The following LHFPL3 variants were observed in gnomAD, a reference collection of about 807,000 sequenced individuals.
The protein encoded by LHFPL3 is LHFPL tetraspan subfamily member 3, also known as LHFPL tetraspan subfamily member 3 protein.
In LHFPL3, 5 loss-of-function variants were observed where a neutral mutation model predicts 19.3. That is an observed-to-expected ratio of 0.26 (90% CI 0.14 to 0.54). The LOEUF (loss-of-function observed/expected upper bound fraction) is 0.54. Among genes scored for constraint, LHFPL3 ranks in the 20% least tolerant of loss-of-function variants. The pLI, the probability that LHFPL3 is intolerant of heterozygous loss-of-function variation, is 0.94. For synonymous variants in LHFPL3, 133 were observed against 126.2 expected, an observed-to-expected ratio of 1.05 and a Z score of -0.36; for missense variants, 249 against 307.4, an observed-to-expected ratio of 0.81 and a Z score of 1.42.
chr7:104,864,834 C>A (rs12705285), intron 2 of LHFPL3, among the ~76,000 whole-genome samples: 18,287 of 152,124 alleles, frequency 0.12, 2,330 homozygotes, highest in East Asian at 0.43. Context: ...TAACTGGGGG[C>A]AGACTGACAC....
At chr7:104,886,753 GC>G (rs1792156257) in intron 2 of LHFPL3, among the ~76,000 whole-genome samples, 1 of 152,142 alleles carries the variant, frequency 6.6e-6, no homozygotes, top group Middle Eastern at 3.2e-3. Context: ...TACAAACTCA[GC>G]TTTTACCCAT....
intron 1 of LHFPL3, among the ~76,000 whole-genome samples, chr7:104,567,116 T>G (rs1790138876): frequency 6.6e-6 from 1 of 152,240 alleles, no homozygotes; most frequent in African/African-American, 2.4e-5. Context: ...ACGAAGTGTT[T>G]AGATGGTACT....
intron 1 of LHFPL3, among the ~76,000 whole-genome samples, chr7:104,638,839 T>C (rs2115882534): frequency 6.6e-6 from 1 of 151,038 alleles, no homozygotes; most frequent in Non-Finnish European, 1.5e-5. Context: ...CTCAGCTGAC[T>C]GCAGTCTTGA....
At chr7:104,727,127 C>T (rs1423365546) in intron 1 of LHFPL3, among the ~76,000 whole-genome samples, 1 of 152,128 alleles carries the variant, frequency 6.6e-6, no homozygotes, top group Non-Finnish European at 1.5e-5. Context: ...TAAATATCTT[C>T]TTTTGAGAAG....
rs753377294 is a variant in LHFPL3, at chr7:104,847,614, G to A, written c.683-58573G>A. Among the ~76,000 whole-genome samples, 9 of 152,274 alleles carry A rather than the reference G, an allele frequency of 5.9e-5. No homozygotes were observed. In the South Asian group the frequency reaches 8.3e-4, roughly 14 times the overall value. On this transcript the variant is annotated intron_variant, in intron 2 of 2. Coordinates refer to ENST00000424859, the MANE Select transcript of LHFPL3 (RefSeq NM_199000.3). The stretch of plus-strand genomic sequence containing the variant: ...CAACCTCCGACTCCCAGGTTTGAGC[G>A]ATTCTCCTGCCTCAGCCTCCTGAGT...
chr7:104,479,303 G>C (rs1225469833), intron 1 of LHFPL3, among the ~76,000 whole-genome samples: 3 of 152,124 alleles, frequency 2.0e-5, no homozygotes, highest in African/African-American at 7.2e-5. Flanking sequence ...CATTCTGAGG[G>C]ACGCCATGGG....
intron 2 of LHFPL3, among the ~76,000 whole-genome samples, chr7:104,797,872 T>C (rs1014945252): frequency 6.6e-5 from 10 of 152,026 alleles, no homozygotes; most frequent in African/African-American, 2.4e-4. Context: ...GCTGAGATGG[T>C]GCCACTGCAC....
At chr7:104,445,014 C>A (rs895592137) in intron 1 of LHFPL3, among the ~76,000 whole-genome samples, 1 of 151,774 alleles carries the variant, frequency 6.6e-6, no homozygotes, top group African/African-American at 2.4e-5. Context: ...ATATTTATCA[C>A]AGATGTGGGA....
chr7:104,828,124 G>C (rs1015777197), intron 2 of LHFPL3, among the ~76,000 whole-genome samples: 14 of 152,038 alleles, frequency 9.2e-5, no homozygotes, highest in Non-Finnish European at 8.8e-5. Flanking sequence ...TCCCTAGTTT[G>C]GGACCCTCTC....
At chr7:104,428,470 T>C (rs1224005054) in intron 1 of LHFPL3, among the ~76,000 whole-genome samples, 5 of 152,096 alleles carry the variant, frequency 3.3e-5, no homozygotes, top group Admixed American at 3.3e-4. Context: ...AAATCCTCCC[T>C]CCAATATATA....
intron 1 of LHFPL3, among the ~76,000 whole-genome samples, chr7:104,474,693 A>C (rs895370232): frequency 4.0e-5 from 6 of 150,794 alleles, no homozygotes; most frequent in African/African-American, 1.5e-4. Flanking sequence ...ACAACAAAAA[A>C]AAAAAAAAAA....
chr7:104,684,172 G>A (rs1792764339), intron 1 of LHFPL3, among the ~76,000 whole-genome samples: 1 of 152,194 alleles, frequency 6.6e-6, no homozygotes, highest in South Asian at 2.1e-4. Context: ...GGTCCCTAAA[G>A]CCTCATCTCC....
chr7:104,383,092 G>A lies in LHFPL3; in HGVS notation c.445+53868G>A, dbSNP rs1039504405. ...AGCTCATTTTCCTGGCCACCATGCC[G>A]TAACAGCCTTGTCATCTGATACCAA... On this transcript the variant is annotated intron_variant, in intron 1 of 2. Coordinates refer to ENST00000424859, the MANE Select transcript of LHFPL3 (RefSeq NM_199000.3). 1.1e-4 allele frequency among the ~76,000 whole-genome samples: 16 copies of A among 152,354 alleles called. No individual in the cohort carries two copies. The East Asian group carries it at 1.9e-3, about 18-fold the overall frequency.
intron 2 of LHFPL3, among the ~76,000 whole-genome samples, chr7:104,808,863 T>C (rs1471154145): frequency 6.6e-6 from 1 of 151,752 alleles, no homozygotes; most frequent in Non-Finnish European, 1.5e-5. Context: ...TTCTGCCCTT[T>C]CACCCCAACA....
At position 104,416,981 on chromosome 7, in the gene LHFPL3, C is replaced by A. The variant is rs148261987; in HGVS notation, c.445+87757C>A. ...CCCACAATAACAGCGTTAATCAATT[C>A]ATGCAGACAGATACCTGGTGGCCGA... On this transcript the variant is annotated intron_variant, in intron 1 of 2. Coordinates refer to ENST00000424859, the MANE Select transcript of LHFPL3 (RefSeq NM_199000.3). Among the ~76,000 whole-genome samples the A allele has an allele frequency of 1.6e-3, 242 of 152,330 alleles. 1 individual carries two copies. The highest frequency in any genetic ancestry group is 2.7e-3 in the Non-Finnish European group (183 of 68,032).
intron 1 of LHFPL3, among the ~76,000 whole-genome samples, chr7:104,590,703 G>A (rs1012644271): frequency 6.6e-6 from 1 of 152,164 alleles, no homozygotes; most frequent in Non-Finnish European, 1.5e-5. Context: ...GTCTAATGTT[G>A]ACAGTGGGGT....
chr7:104,348,961 C>T (rs551878719), intron 1 of LHFPL3, among the ~76,000 whole-genome samples: 6 of 136,984 alleles, frequency 4.4e-5, no homozygotes, highest in African/African-American at 1.5e-4. Flanking sequence ...TCTCCTCGTC[C>T]TCCTTCTACC....
At chr7:104,784,056 G>C (rs1789867517) in intron 2 of LHFPL3, among the ~76,000 whole-genome samples, 1 of 152,190 alleles carries the variant, frequency 6.6e-6, no homozygotes, top group Non-Finnish European at 1.5e-5. Context: ...TGCTGCTGGT[G>C]ATGTGTAAGA....
At chr7:104,736,555 G>T (rs1430513928) in intron 1 of LHFPL3, 120 bp from the exon 2 acceptor site, 11 of 706,306 alleles carry the variant, frequency 1.6e-5, no homozygotes. Context: ...GAGATTTGCT[G>T]TTTTTTAAAT....
Sources: gnomAD v4.1 joint callset for allele counts (sites outside exome capture counted in the v4.1 genomes callset) on GRCh38, gnomAD v4.1.1 for gene constraint, MANE v1.5 for transcripts, NCBI Gene and HGNC (gene_info 2026-07-23, HGNC 2026-07-21) for gene names.